Variants in KIAA1549 observed in about 807,000 individuals in gnomAD.
KIAA1549 encodes KIAA1549, also known as UPF0606 protein KIAA1549.
Under a neutral mutation model 156.4 loss-of-function variants are expected in KIAA1549, and 70 were observed. That is an observed-to-expected ratio of 0.45 (90% CI 0.37 to 0.55). The LOEUF (loss-of-function observed/expected upper bound fraction) is 0.55, where lower values mean the gene tolerates loss of function less well. KIAA1549 is among the 20% of genes least tolerant of loss of function. The pLI is 0.00. For missense variants in KIAA1549, 2,428 were observed against 2,540.9 expected, an observed-to-expected ratio of 0.96 and a Z score of 0.96; for synonymous variants, 1,103 against 1,066.4, an observed-to-expected ratio of 1.03 and a Z score of -0.67.
intron 1 of KIAA1549, among the ~76,000 whole-genome samples, chr7:138,970,580 C>T (rs1814189690): frequency 6.6e-6 from 1 of 152,234 alleles, no homozygotes; most frequent in Non-Finnish European, 1.5e-5. Context: ...TTGGTGTGCA[C>T]ACAAGTCACC....
At chr7:138,952,399 A>G (rs1187642628) in intron 1 of KIAA1549, among the ~76,000 whole-genome samples, 1 of 152,200 alleles carries the variant, frequency 6.6e-6, no homozygotes, top group Non-Finnish European at 1.5e-5. Context: ...AACAATCAGG[A>G]ACCCTAAGGG....
At chr7:138,890,971 C>A (rs1458742365) in intron 10 of KIAA1549, among the ~76,000 whole-genome samples, 1 of 152,208 alleles carries the variant, frequency 6.6e-6, no homozygotes, top group Non-Finnish European at 1.5e-5. Context: ...CTCCGCTCCC[C>A]CACTGGGCCC....
chr7:138,887,949 G>A (rs1811445445), intron 10 of KIAA1549, among the ~76,000 whole-genome samples: 2 of 152,202 alleles, frequency 1.3e-5, no homozygotes, highest in Non-Finnish European at 1.5e-5. Flanking sequence ...CACTCCCGCA[G>A]AAGAATACAA....
chr7:138,897,892 CAAAAAAAAAAAA>C (rs59242488), intron 9 of KIAA1549, among the ~76,000 whole-genome samples: 24 of 27,500 alleles, frequency 8.7e-4, no homozygotes, highest in East Asian at 3.4e-3. Flanking sequence ...GACCCTTTCT[CAAAAAAAAAAAA>C]AAAAAAAAAA....
chr7:138,962,543 T>C (rs971671981), intron 1 of KIAA1549, among the ~76,000 whole-genome samples: 3 of 152,118 alleles, frequency 2.0e-5, no homozygotes, highest in Non-Finnish European at 2.9e-5. Flanking sequence ...CGGCCCCATA[T>C]GAAGTCCTAC....
At chr7:138,854,468 TA>T (rs928322387) in intron 16 of KIAA1549, among the ~76,000 whole-genome samples, 4 of 152,120 alleles carry the variant, frequency 2.6e-5, no homozygotes, top group Admixed American at 2.0e-4. Context: ...AAAGGAGTAA[TA>T]ATGTCATCAG....
chr7:138,958,392 T>C (rs1813734087), intron 1 of KIAA1549, among the ~76,000 whole-genome samples: 1 of 152,154 alleles, frequency 6.6e-6, no homozygotes. Flanking sequence ...ACAGAATGAT[T>C]AAAAGGCTGA....
At chr7:138,916,644 C>A (rs980796324) in intron 2 of KIAA1549, 104 bp downstream of exon 2, 21 of 1,506,674 alleles carry the variant, frequency 1.4e-5, no homozygotes, top group Non-Finnish European at 1.9e-5. Flanking sequence ...CTGAGCCCAG[C>A]GCCTCTGCTC....
chr7:138,968,196 G>C (rs1814089644), intron 1 of KIAA1549, among the ~76,000 whole-genome samples: 1 of 152,126 alleles, frequency 6.6e-6, no homozygotes. Context: ...CGGTAGGTGG[G>C]GTGGGAGGAG....
At chr7:138,900,502 C>A (rs75329792) in intron 8 of KIAA1549, among the ~76,000 whole-genome samples, 2,179 of 152,254 alleles carry the variant, frequency 0.014, 52 homozygotes, top group African/African-American at 0.05. Flanking sequence ...AAATCACAGT[C>A]CCCAAAATCC....
rs767187872 is a variant in KIAA1549, at chr7:138,903,725, C to T, written c.3532G>A (p.Val1178Ile). ...TCATTCTGGAGTTGCTTCTCCATGA[C>T]GCCCAGGAGAACTACATTTAAATGA... is the stretch of plus-strand genomic sequence containing the variant. ...SSWVRTVLLG[V>I]MEKQLQNEVF... is the part of the protein sequence containing the mutation. Residue 1178 changes from valine (V) to isoleucine (I), a missense_variant, in exon 8 of 20, where the codon GTC becomes ATC. Transcript: ENST00000422774. The T allele has an allele frequency of 3.1e-6, 5 of 1,596,226 alleles. No individual in the cohort carries two copies. In the South Asian group the frequency reaches 3.4e-5, roughly 11 times the overall value.
chr7:138,898,144 T>G (rs745356320), intron 9 of KIAA1549, among the ~76,000 whole-genome samples: 1 of 150,952 alleles, frequency 6.6e-6, no homozygotes, highest in Non-Finnish European at 1.5e-5. Flanking sequence ...CCGTCTCCAC[T>G]AATAATACAA....
chr7:138,979,365 C>G (rs1202337137), intron 1 of KIAA1549, among the ~76,000 whole-genome samples: 1 of 152,138 alleles, frequency 6.6e-6, no homozygotes, highest in Non-Finnish European at 1.5e-5. Flanking sequence ...TGCAGTACAC[C>G]CAGATGGCCA....
chr7:138,864,558 C>T (rs1810679434), intron 15 of KIAA1549, among the ~76,000 whole-genome samples: 1 of 152,240 alleles, frequency 6.6e-6, no homozygotes, highest in South Asian at 2.1e-4. Flanking sequence ...ATAGATGTTT[C>T]ACACATAGAT....
At chr7:138,844,570 A>T (rs1810020276) in intron 17 of KIAA1549, 96 bp from the exon 18 acceptor site, 3 of 1,153,490 alleles carry the variant, frequency 2.6e-6, no homozygotes, top group South Asian at 4.2e-5. Flanking sequence ...GGTAACACTT[A>T]TTTGTCTACC....
intron 1 of KIAA1549, among the ~76,000 whole-genome samples, chr7:138,968,454 G>A (rs558342701): frequency 5.3e-5 from 8 of 152,192 alleles, no homozygotes; most frequent in African/African-American, 9.6e-5. Context: ...TTGCAGCAGC[G>A]ATATATATTT....
At chr7:138,894,631 A>T (rs1202169300) in intron 9 of KIAA1549, 105 bp from the exon 10 acceptor site, 1 of 1,065,376 alleles carries the variant, frequency 9.4e-7, no homozygotes, top group Admixed American at 2.3e-5. Context: ...ATTCCAGCTC[A>T]AGATAGCTGG....
intron 1 of KIAA1549, among the ~76,000 whole-genome samples, chr7:138,972,943 C>G (rs1814262199): frequency 6.6e-6 from 1 of 151,998 alleles, no homozygotes; most frequent in Admixed American, 6.6e-5. Flanking sequence ...TGCCTCAGCC[C>G]CCCGAATAGC....
intron 1 of KIAA1549, among the ~76,000 whole-genome samples, chr7:138,962,082 T>C (rs1359190659): frequency 6.6e-6 from 1 of 152,170 alleles, no homozygotes; most frequent in African/African-American, 2.4e-5. Context: ...TTATCAGTTA[T>C]GTGACCTGAG....
Sources: gnomAD v4.1 joint callset for allele counts (sites outside exome capture counted in the v4.1 genomes callset) on GRCh38, gnomAD v4.1.1 for gene constraint, MANE v1.5 for transcripts, NCBI Gene and HGNC (gene_info 2026-07-23, HGNC 2026-07-21) for gene names.